The following SEL1L2 variants were observed in gnomAD, a reference collection of about 807,000 sequenced individuals.
The protein encoded by SEL1L2 is protein sel-1 homolog 2.
Under a neutral mutation model 98.8 loss-of-function variants are expected in SEL1L2, and 89 were observed. The observed-to-expected ratio is 0.90, with a 90% CI of 0.76 to 1.07. The LOEUF (loss-of-function observed/expected upper bound fraction) is 1.07. Among genes scored for constraint, SEL1L2 ranks in the 50% least tolerant of loss-of-function variants. SEL1L2 has a pLI of 0.00. For synonymous variants in SEL1L2, 262 were observed against 278.5 expected (o/e 0.94, Z 0.59); for missense variants, 788 against 812.0 (o/e 0.97, Z 0.36).
intron 2 of SEL1L2, among the ~76,000 whole-genome samples, chr20:13,954,840 T>A (rs2050448620): frequency 6.6e-6 from 1 of 152,190 alleles, no homozygotes; most frequent in Non-Finnish European, 1.5e-5. Flanking sequence ...TGGATGTTCC[T>A]TCATTCTCCA....
At chr20:13,927,173 T>C (rs772009086) in intron 3 of SEL1L2, among the ~76,000 whole-genome samples, 28 of 152,346 alleles carry the variant, frequency 1.8e-4, no homozygotes, top group Non-Finnish European at 3.7e-4. Context: ...TATAAAATAC[T>C]ATCCAAATGT....
In SEL1L2 at chr20:13,897,362, TATCACAA is replaced by T. The variant is rs572172939; in HGVS notation, c.550-8857_550-8851del. The stretch of plus-strand genomic sequence containing the variant: ...TTGGATTTGGCAGTGATTTCTTGGA[TATCACAA>T]CAAATGTGCAGACAACCAAAGCAAA... On this transcript the variant is annotated intron_variant, in intron 5 of 19. Coordinates refer to ENST00000284951, the MANE Select transcript of SEL1L2 (RefSeq NM_025229.2). Among the ~76,000 whole-genome samples, 664 of 152,302 alleles carry T rather than the reference TATCACAA, an allele frequency of 4.4e-3. 5 individuals carry two copies. Among genetic ancestry groups the T allele is most frequent in the African/African-American group, 0.015 (636 of 41,560 alleles).
intron 10 of SEL1L2, among the ~76,000 whole-genome samples, chr20:13,879,409 T>C (rs954718814): frequency 3.9e-5 from 6 of 152,020 alleles, no homozygotes; most frequent in East Asian, 1.9e-4. Flanking sequence ...TGGAGTGAAG[T>C]GGTATGATCT....
intron 18 of SEL1L2, among the ~76,000 whole-genome samples, chr20:13,857,338 A>G (rs147825505): frequency 7.9e-5 from 12 of 152,330 alleles, no homozygotes; most frequent in Non-Finnish European, 1.5e-4. Context: ...CTGGCCAGAG[A>G]GAAACTTAAG....
rs762702241 is a variant in SEL1L2, at chr20:13,886,352, A to G, written c.836T>C (p.Ile279Thr). The change falls in exon 9 of 20, where the codon ATT (isoleucine) becomes ACT (threonine). Residue 279 changes from isoleucine (I) to threonine (T), a missense_variant. Coordinates refer to ENST00000284951, the MANE Select transcript of SEL1L2 (RefSeq NM_025229.2). ...RPENLSSNSE[I>T]LDWDIYQYYK... is the part of the protein sequence containing the mutation. ...GTATTGGTATATGTCCCAATCCAAA[A>G]TCTCACTGTTAGAACTCAGATTTTC... The G allele has an allele frequency of 6.2e-7, 1 of 1,613,710 alleles. No individual in the cohort carries two copies. Among genetic ancestry groups the G allele is most frequent in the South Asian group, 1.1e-5 (1 of 91,066 alleles).
rs1433833328 is a variant in SEL1L2 at position 13,888,482 on chromosome 20, C to T, written c.580G>A (p.Gly194Arg). 10 of 1,568,018 alleles carry T rather than the reference C, an allele frequency of 6.4e-6. No individual in the cohort carries two copies. Among genetic ancestry groups the T allele is most frequent in the Non-Finnish European group, 8.7e-6 (10 of 1,148,218 alleles). ...ACCTTAGCTTGATCATATTCCATTC[C>T]TATTCCATAAGAAGACAAAAATCCT... ...ALGFLSSYGI[G>R]MEYDQAKALI... The change falls in exon 6 of 20, where the codon GGA (glycine) becomes AGA (arginine). Residue 194 changes from glycine (G) to arginine (R), a missense_variant. Transcript: ENST00000284951.
chr20:13,862,662 C>G (rs1338005961), intron 17 of SEL1L2, among the ~76,000 whole-genome samples: 1 of 151,648 alleles, frequency 6.6e-6, no homozygotes, highest in Admixed American at 6.6e-5. Flanking sequence ...ACAGCTAACA[C>G]TATAAAATTT....
chr20:13,897,348 A>G (rs1034274631), intron 5 of SEL1L2, among the ~76,000 whole-genome samples: 4 of 152,210 alleles, frequency 2.6e-5, no homozygotes, highest in African/African-American at 7.2e-5. Context: ...TGGATTTGGC[A>G]GTGATTTCTT....
chr20:13,942,537 G>C (rs1406855373), intron 2 of SEL1L2, among the ~76,000 whole-genome samples: 7 of 152,166 alleles, frequency 4.6e-5, no homozygotes, highest in Non-Finnish European at 7.4e-5. Context: ...AGGTGATTAT[G>C]ATGCATCCTT....
chr20:13,895,069 T>A (rs1485164905), intron 5 of SEL1L2, among the ~76,000 whole-genome samples: 2 of 152,136 alleles, frequency 1.3e-5, no homozygotes, highest in African/African-American at 2.4e-5. Context: ...ACTAGCAAAC[T>A]GAATTCATGG....
chr20:13,964,327 T>C (rs1220551523), intron 1 of SEL1L2, among the ~76,000 whole-genome samples: 1 of 152,124 alleles, frequency 6.6e-6, no homozygotes, highest in Non-Finnish European at 1.5e-5. Flanking sequence ...TGTAAGAAAT[T>C]GTCAGCATAG....
At chr20:13,939,058 T>TTTTTTTTTTTTTTTTTTTTTTTTTTTG in intron 2 of SEL1L2, among the ~76,000 whole-genome samples, 1 of 119,188 alleles carries the variant, frequency 8.4e-6, no homozygotes, top group African/African-American at 3.0e-5. Context: ...TTTTTTTTTT[T>TTTTTTTTTTTTTTTTTTTTTTTTTTTG]TCTGAGATGG....
At chr20:13,876,616 T>G (rs2046443937) in intron 11 of SEL1L2, among the ~76,000 whole-genome samples, 1 of 152,062 alleles carries the variant, frequency 6.6e-6, no homozygotes, top group Non-Finnish European at 1.5e-5. Flanking sequence ...AGGCCTCTCA[T>G]CAGAGGTGGC....
chr20:13,949,623 A>G (rs1477628939), intron 2 of SEL1L2, among the ~76,000 whole-genome samples: 2 of 152,116 alleles, frequency 1.3e-5, no homozygotes, highest in Non-Finnish European at 2.9e-5. Flanking sequence ...AGCTCGTGCC[A>G]CTGCACTCCA....
intron 1 of SEL1L2, among the ~76,000 whole-genome samples, chr20:13,965,543 C>T (rs1209980135): frequency 2.6e-5 from 4 of 152,184 alleles, no homozygotes; most frequent in Non-Finnish European, 5.9e-5. Flanking sequence ...TGCATTCATA[C>T]AATAGCCTCC....
intron 19 of SEL1L2, 197 bp downstream of exon 19, chr20:13,849,994 C>A (rs1179127557): frequency 3.3e-6 from 2 of 603,078 alleles, no homozygotes; most frequent in East Asian, 2.9e-5. Flanking sequence ...GAATTAATTG[C>A]TTATACTCTG....
chr20:13,867,008 G>A (rs769889893), intron 14 of SEL1L2, among the ~76,000 whole-genome samples, 158 bp from the exon 15 acceptor site: 1 of 152,072 alleles, frequency 6.6e-6, no homozygotes, highest in Non-Finnish European at 1.5e-5. Flanking sequence ...GTGAAGGTGG[G>A]GGTGAACACT....
At chr20:13,870,242 A>T in intron 12 of SEL1L2, 39 bp from the exon 13 acceptor site, 1 of 1,496,374 alleles carries the variant, frequency 6.7e-7, no homozygotes, top group Non-Finnish European at 9.2e-7. Flanking sequence ...GTCCCAGAAG[A>T]ATTCATGATA....
intron 4 of SEL1L2, among the ~76,000 whole-genome samples, chr20:13,917,677 C>T (rs1319879178): frequency 3.3e-5 from 5 of 151,934 alleles, no homozygotes; most frequent in African/African-American, 4.8e-5. Context: ...GTGCTAGCTA[C>T]CACAGCTCTG....
Sources: gnomAD v4.1 joint callset for allele counts (sites outside exome capture counted in the v4.1 genomes callset) on GRCh38, gnomAD v4.1.1 for gene constraint, MANE v1.5 for transcripts, NCBI Gene and HGNC (gene_info 2026-07-23, HGNC 2026-07-21) for gene names.